The following IMPG1 variants were observed in gnomAD, a reference collection of about 807,000 sequenced individuals.
IMPG1 encodes the protein interphotoreceptor matrix proteoglycan 1.
In IMPG1, 85 loss-of-function variants were observed where a neutral mutation model predicts 92.0. The ratio of observed to expected loss-of-function variants is 0.92; its 90% CI spans 0.78 to 1.11. The LOEUF (loss-of-function observed/expected upper bound fraction) is 1.11, where lower values mean the gene tolerates loss of function less well. IMPG1 is among the 50% of genes least tolerant of loss of function. The probability of loss-of-function intolerance (pLI) is 0.00; values close to 1 mark genes in which losing one functional copy is unlikely to be tolerated. For synonymous variants in IMPG1, 367 were observed against 334.1 expected, an observed-to-expected ratio of 1.10 and a Z score of -1.08; for missense variants, 1,022 against 956.0, an observed-to-expected ratio of 1.07 and a Z score of -0.91.
intron 12 of IMPG1, among the ~76,000 whole-genome samples, chr6:75,958,380 G>A (rs1050882781): frequency 5.3e-5 from 8 of 152,010 alleles, no homozygotes; most frequent in East Asian, 1.9e-4. Flanking sequence ...TGCTTTTCTC[G>A]AGGAGTATCT....
intron 15 of IMPG1, among the ~76,000 whole-genome samples, chr6:75,928,957 A>T (rs1781613839): frequency 6.6e-6 from 1 of 152,174 alleles, no homozygotes; most frequent in Non-Finnish European, 1.5e-5. Context: ...GTAGAGTTAT[A>T]TATATTATTG....
At chr6:76,058,878 G>C (rs891000262) in intron 1 of IMPG1, among the ~76,000 whole-genome samples, 19 of 152,166 alleles carry the variant, frequency 1.2e-4, no homozygotes, top group African/African-American at 4.6e-4. Context: ...AGTTTTCCTA[G>C]AGTGAGATTA....
intron 14 of IMPG1, among the ~76,000 whole-genome samples, chr6:75,939,729 G>A (rs1167253308): frequency 6.6e-6 from 1 of 152,096 alleles, no homozygotes; most frequent in Admixed American, 6.5e-5. Context: ...ACTCTGGAAT[G>A]TTATGCTCCA....
At chr6:76,047,477 T>A (rs1323387225) in intron 1 of IMPG1, among the ~76,000 whole-genome samples, 1 of 152,236 alleles carries the variant, frequency 6.6e-6, no homozygotes, top group African/African-American at 2.4e-5. Context: ...GTAAATGAGA[T>A]AAACAAATGC....
At chr6:75,965,752 C>T (rs768730535) in intron 12 of IMPG1, among the ~76,000 whole-genome samples, 2 of 151,840 alleles carry the variant, frequency 1.3e-5, no homozygotes, top group South Asian at 2.1e-4. Flanking sequence ...GGACTACAGG[C>T]GCCTGCCATC....
In IMPG1 at chr6:76,072,653, A is replaced by G. The variant is rs1169943699; in HGVS notation, c.-165T>C. On this transcript the variant is annotated 5_prime_UTR_variant, in exon 1 of 17. Coordinates refer to ENST00000369950, the MANE Select transcript of IMPG1 (RefSeq NM_001563.4). The stretch of plus-strand genomic sequence containing the variant: ...GGGTGTTAATTTATGAAGAACATGT[A>G]GCAGTGTCTGTTTCTGGAATAATCT... 2 of 510,578 alleles carry G rather than the reference A, an allele frequency of 3.9e-6. No individual in the cohort carries two copies. Among genetic ancestry groups the G allele is most frequent in the Non-Finnish European group, 6.9e-6 (2 of 290,616 alleles). 31.6% of individuals were successfully genotyped at this position (510,578 alleles called of 1,614,324 possible). A position where few individuals can be genotyped will look rare whatever the true frequency, so the allele number is the denominator to read the frequency against.
chr6:75,951,223 A>ATTT (rs11414729), intron 12 of IMPG1, 129 bp from the exon 13 acceptor site: 173 of 582,214 alleles, frequency 3.0e-4, no homozygotes, highest in Non-Finnish European at 4.0e-4. Context: ...TTCAATAGTC[A>ATTT]TTTTTTTTTT....
intron 5 of IMPG1, among the ~76,000 whole-genome samples, chr6:76,023,364 A>ATAAATAATCGG (rs1783467285): frequency 1.3e-5 from 2 of 152,198 alleles, no homozygotes; most frequent in Non-Finnish European, 2.9e-5. Flanking sequence ...TTATGCTACA[A>ATAAATAATCGG]TTTTTGTTAC....
At chr6:76,013,456 C>G (rs1783227263) in intron 7 of IMPG1, among the ~76,000 whole-genome samples, 1 of 152,042 alleles carries the variant, frequency 6.6e-6, no homozygotes, top group African/African-American at 2.4e-5. Flanking sequence ...CCCTCCTCCC[C>G]ACACTGCACC....
intron 1 of IMPG1, among the ~76,000 whole-genome samples, chr6:76,069,954 G>A (rs1356465839): frequency 6.6e-6 from 1 of 152,092 alleles, no homozygotes; most frequent in Non-Finnish European, 1.5e-5. Context: ...CATAAAGATG[G>A]CAACCATAGA....
intron 12 of IMPG1, among the ~76,000 whole-genome samples, chr6:75,992,528 C>A (rs948831307): frequency 6.6e-6 from 1 of 151,860 alleles, no homozygotes; most frequent in South Asian, 2.1e-4. Flanking sequence ...CTTGTATCAT[C>A]TTCCTTCCTT....
intron 12 of IMPG1, among the ~76,000 whole-genome samples, chr6:75,984,979 C>T (rs368857373): frequency 4.6e-5 from 7 of 152,160 alleles, no homozygotes; most frequent in South Asian, 4.1e-4. Flanking sequence ...GCCTGCAGAA[C>T]GGCAAGCCAA....
rs1480922444 is a variant in IMPG1 at position 75,947,364 on chromosome 6, G to A, written c.1994C>T (p.Ala665Val). The part of the protein sequence containing the change: ...GVLEDFRSAA[A>V]QQLHLEIDSY... ...GTCTATTTCCAGATGGAGTTGTTGG[G>A]CTGCAGCAGAACGAAAATCCTCCAA... The change falls in exon 14 of 17, where the codon GCC (alanine) becomes GTC (valine). Residue 665 changes from alanine to valine, a missense_variant. Ala to Val is a moderately conservative substitution (Grantham distance 64). Coordinates refer to ENST00000369950, the MANE Select transcript of IMPG1 (RefSeq NM_001563.4). 2 of 1,613,934 alleles carry A rather than the reference G, an allele frequency of 1.2e-6. No homozygotes were observed. Among genetic ancestry groups the A allele is most frequent in the Middle Eastern group, 1.6e-4 (1 of 6,062 alleles).
At chr6:75,962,643 G>A (rs1209858230) in intron 12 of IMPG1, among the ~76,000 whole-genome samples, 1 of 152,214 alleles carries the variant, frequency 6.6e-6, no homozygotes, top group Non-Finnish European at 1.5e-5. Flanking sequence ...CGGTCCAAAA[G>A]TCCTAGAGAG....
At chr6:75,931,281 T>C in intron 14 of IMPG1, 130 bp from the exon 15 acceptor site, 7 of 764,762 alleles carry the variant, frequency 9.2e-6, no homozygotes, top group South Asian at 8.8e-5. Flanking sequence ...AGTTGTGATA[T>C]CAGACTGGAG....
chr6:75,927,160 C>A (rs763679762), intron 15 of IMPG1, among the ~76,000 whole-genome samples: 7 of 152,084 alleles, frequency 4.6e-5, no homozygotes, highest in Non-Finnish European at 1.0e-4. Context: ...AGAAACAGCT[C>A]CAATAATGCT....
rs145760276 is a variant in IMPG1, at chr6:76,056,643, C to T, written c.68-14517G>A. On this transcript the variant is annotated intron_variant, in intron 1 of 16. Transcript: ENST00000369950. ...AAAATAGCCGTAGTAATTTATATTT[C>T]CACCAACAATGTTCAAAGGTTCCCT... Among the ~76,000 whole-genome samples, 17 of 152,268 alleles carry T rather than the reference C, an allele frequency of 1.1e-4. 1 individual carries two copies. The highest frequency in any genetic ancestry group is 3.9e-4 in the African/African-American group (16 of 41,558).
chr6:75,995,676 A>G (rs1008666801), intron 12 of IMPG1, among the ~76,000 whole-genome samples: 1 of 152,230 alleles, frequency 6.6e-6, no homozygotes, highest in African/African-American at 2.4e-5. Flanking sequence ...AAAATTTTAT[A>G]ATAAACTTCT....
chr6:75,931,144 T>C lies in IMPG1; in HGVS notation c.2052A>G (p.Gln684=), dbSNP rs958487395. The change falls in exon 15 of 17, where the codon CAA becomes CAG. Residue 684 remains glutamine, a synonymous_variant. Coordinates refer to ENST00000369950, the MANE Select transcript of IMPG1 (RefSeq NM_001563.4). ...SYSLNIEPAD[Q]ADPCKFLACG... is the part of the protein sequence containing the mutation. Reference sequence around the variant, plus strand: ...AGGCCAGGAACTTGCAGGGATCTGCTTGATCAGCTGTAAGAAATGGGGCAG... The same window carrying C: ...AGGCCAGGAACTTGCAGGGATCTGCCTGATCAGCTGTAAGAAATGGGGCAG... 1.4e-5 allele frequency: 22 copies of C among 1,612,072 alleles called. No individual in the cohort carries two copies. The highest frequency in any genetic ancestry group is 1.9e-5 in the Non-Finnish European group (22 of 1,178,936).
Sources: gnomAD v4.1 joint callset for allele counts (sites outside exome capture counted in the v4.1 genomes callset) on GRCh38, gnomAD v4.1.1 for gene constraint, MANE v1.5 for transcripts, NCBI Gene and HGNC (gene_info 2026-07-23, HGNC 2026-07-21) for gene names.